SIPA1L2: variants seen among roughly 807,000 people sequenced by gnomAD.
The protein encoded by SIPA1L2 is signal-induced proliferation-associated 1-like protein 2.
SIPA1L2 carries 56 observed loss-of-function variants against 163.9 expected under a neutral mutation model. The ratio of observed to expected loss-of-function variants is 0.34; its 90% CI spans 0.28 to 0.43. SIPA1L2 has a LOEUF of 0.43. Ranked by LOEUF, SIPA1L2 falls within the 20% of genes least tolerant of loss-of-function variation. SIPA1L2 has a pLI of 1.00. For synonymous variants in SIPA1L2, 877 were observed against 865.7 expected, an observed-to-expected ratio of 1.01 and a Z score of -0.23; for missense variants, 1,974 against 2,193.5, an observed-to-expected ratio of 0.90 and a Z score of 2.00.
intron 2 of SIPA1L2, among the ~76,000 whole-genome samples, chr1:232,538,422 C>T (rs1573047337): frequency 6.6e-6 from 1 of 152,150 alleles, no homozygotes; most frequent in African/African-American, 2.4e-5. Context: ...GGAAAGAATG[C>T]CTGGTGCCTC....
chr1:232,433,003 A>AG (rs1281877758), intron 15 of SIPA1L2, among the ~76,000 whole-genome samples: 5 of 152,152 alleles, frequency 3.3e-5, no homozygotes, highest in Non-Finnish European at 5.9e-5. Flanking sequence ...TTACCTATGA[A>AG]GGTGTGTGCA....
chr1:232,473,216 G>T (rs192853259), intron 7 of SIPA1L2, among the ~76,000 whole-genome samples: 1 of 152,354 alleles, frequency 6.6e-6, no homozygotes, highest in East Asian at 1.9e-4. Context: ...CATAGGCATT[G>T]TAATGAGACA....
intron 1 of SIPA1L2, among the ~76,000 whole-genome samples, chr1:232,614,362 CAA>C (rs1485479659): frequency 6.6e-6 from 1 of 152,200 alleles, no homozygotes; most frequent in Admixed American, 6.5e-5. Context: ...TCCTCACACA[CAA>C]GTTTCGTACT....
intron 3 of SIPA1L2, among the ~76,000 whole-genome samples, chr1:232,511,779 G>A (rs1284533410): frequency 6.6e-6 from 1 of 151,874 alleles, no homozygotes; most frequent in Admixed American, 6.6e-5. Context: ...AACCCTAGAA[G>A]AAAACCTGGG....
intron 1 of SIPA1L2, among the ~76,000 whole-genome samples, chr1:232,576,216 T>C (rs1290396593): frequency 6.6e-6 from 1 of 152,254 alleles, no homozygotes; most frequent in African/African-American, 2.4e-5. Context: ...GTGTCTTTTA[T>C]AGACTGGAGG....
At chr1:232,491,142 A>C (rs1665909432) in intron 4 of SIPA1L2, 80 bp from the exon 5 acceptor site, 1 of 1,301,406 alleles carries the variant, frequency 7.7e-7, no homozygotes, top group African/African-American at 1.5e-5. Context: ...GGCTGCCTTA[A>C]GACAGGAAAA....
chr1:232,562,769 G>A (rs789658), intron 2 of SIPA1L2, among the ~76,000 whole-genome samples: 11,970 of 152,170 alleles, frequency 0.079, 1,342 homozygotes, highest in African/African-American at 0.25. Context: ...CAAATAAAAC[G>A]CATCATCAGA....
intron 1 of SIPA1L2, among the ~76,000 whole-genome samples, chr1:232,620,855 C>G (rs1312207520): frequency 6.6e-6 from 1 of 152,174 alleles, no homozygotes; most frequent in Non-Finnish European, 1.5e-5. Flanking sequence ...ACAAGGTGAA[C>G]AAAGTCTACA....
In SIPA1L2 at chr1:232,514,635, G is replaced by A. The variant is rs1667138174; in HGVS notation, c.705C>T (p.Arg235=). Residue 235 remains arginine, a synonymous_variant, in exon 3 of 23, where the codon CGC becomes CGT. Coordinates refer to ENST00000674635, the MANE Select transcript of SIPA1L2 (RefSeq NM_020808.5). The part of the protein sequence containing the change: ...MVPFGFPEFF[R]CDPAISPSLH... ...GGCTCGGAGAGATTGCAGGGTCACA[G>A]CGGAAAAATTCAGGGAACCCAAAAG... The A allele has an allele frequency of 6.2e-7, 1 of 1,614,230 alleles. No homozygotes were observed. Among genetic ancestry groups the A allele is most frequent in the Non-Finnish European group, 8.5e-7 (1 of 1,180,044 alleles).
chr1:232,419,607 T>C (rs2357066), intron 18 of SIPA1L2, among the ~76,000 whole-genome samples: 96,128 of 151,916 alleles, frequency 0.63, 31,197 homozygotes, highest in East Asian at 0.83. Flanking sequence ...GTCTTGCTCC[T>C]TCTCTTGCTA....
At chr1:232,592,656 C>A (rs1573138438) in intron 1 of SIPA1L2, among the ~76,000 whole-genome samples, 1 of 152,008 alleles carries the variant, frequency 6.6e-6, no homozygotes, top group East Asian at 1.9e-4. Flanking sequence ...TGTAAACTGC[C>A]AGGTTTTCTA....
chr1:232,558,710 T>G (rs1213988881), intron 2 of SIPA1L2, among the ~76,000 whole-genome samples: 1 of 152,214 alleles, frequency 6.6e-6, no homozygotes, highest in African/African-American at 2.4e-5. Context: ...TAACTGGCAT[T>G]TCTCCTGGCT....
chr1:232,483,948 T>A lies in SIPA1L2; in HGVS notation c.1825A>T (p.Ile609Phe). 1 of 1,611,086 alleles carries A rather than the reference T, an allele frequency of 6.2e-7. No individual in the cohort carries two copies. Among genetic ancestry groups the A allele is most frequent in the Non-Finnish European group, 8.5e-7 (1 of 1,179,184 alleles). ...DEQGLSFQHK[I>F]GILYCKAGQS... ...CCTGCTTTGCAATAAAGGATCCCGATCTTGTGCTGAAAGCTCAGCTGAAAT... is the reference window on the plus strand; with the variant it reads ...CCTGCTTTGCAATAAAGGATCCCGAACTTGTGCTGAAAGCTCAGCTGAAAT... The change falls in exon 6 of 23, where the codon ATC (isoleucine) becomes TTC (phenylalanine). Residue 609 changes from isoleucine (I) to phenylalanine (F), a missense_variant. Physicochemically the swap from Ile to Phe is conservative, Grantham distance 21. Transcript: ENST00000674635.
rs1661854451 is a variant in SIPA1L2, at chr1:232,425,696, A to G, written c.4523T>C (p.Val1508Ala). Residue 1508 changes from valine (V) to alanine (A), a missense_variant, in exon 18 of 23, where the codon GTG becomes GCG. By Grantham distance (64) the Val-to-Ala change is moderately conservative. Around this residue, in one of 3 missense-constraint regions of SIPA1L2, gnomAD observed 1,079 missense variants for 1,150.7 expected, o/e 0.94. Coordinates refer to ENST00000674635, the MANE Select transcript of SIPA1L2 (RefSeq NM_020808.5). ...GTCGTTGGGCAGGGCCTGGTCAAGC[A>G]CGGAACTCCGGGAACTGCCAAAGGA... ...GSSFGSSRSS[V>A]LDQALPNDIL... The G allele has an allele frequency of 6.2e-7, 1 of 1,613,914 alleles. No individual in the cohort carries two copies. Among genetic ancestry groups the G allele is most frequent in the Admixed American group, 1.7e-5 (1 of 59,990 alleles).
Position 232,428,528 on chromosome 1 carries a change from A to G in SIPA1L2, c.4293T>C (p.Thr1431=). 6.3e-7 allele frequency: 1 copy of G among 1,589,558 alleles called. No individual in the cohort carries two copies. Among genetic ancestry groups the G allele is most frequent in the Non-Finnish European group, 8.5e-7 (1 of 1,170,288 alleles). The change falls in exon 17 of 23, where the codon ACT becomes ACC. Residue 1431 remains threonine, a synonymous_variant. Transcript: ENST00000674635. ...YSEMDVMSTA[T]QHQTVVGDAV... is the part of the protein sequence containing the mutation. The stretch of plus-strand genomic sequence containing the variant: ...CATCTCCCACCACTGTCTGATGCTG[A>G]GTTGCTGTGGACATGACATCCATCT...
rs759040292 is a variant in SIPA1L2, at chr1:232,428,544, A to G, written c.4277T>C (p.Val1426Ala). ...ECPGMYSEMD[V>A]MSTATQHQTV... is the part of the protein sequence containing the mutation. Reference sequence around the variant, plus strand: ...CTGATGCTGAGTTGCTGTGGACATGACATCCATCTCACTATACATCCTGTT... The same window carrying G: ...CTGATGCTGAGTTGCTGTGGACATGGCATCCATCTCACTATACATCCTGTT... Residue 1426 changes from valine (V) to alanine (A), a missense_variant, in exon 17 of 23, where the codon GTC becomes GCC. By Grantham distance (64) the Val-to-Ala change is moderately conservative (BLOSUM62 0). Transcript: ENST00000674635. 1.3e-6 allele frequency: 2 copies of G among 1,583,016 alleles called. No homozygotes were observed. The highest frequency in any genetic ancestry group is 1.7e-6 in the Non-Finnish European group (2 of 1,167,354).
chr1:232,503,927 C>T (rs572088148), intron 3 of SIPA1L2, among the ~76,000 whole-genome samples: 70 of 152,210 alleles, frequency 4.6e-4, no homozygotes, highest in Admixed American at 1.8e-3. Context: ...ATAGTGGCTC[C>T]GGCCTATAAT....
chr1:232,504,773 CA>C (rs1024639909), intron 3 of SIPA1L2, among the ~76,000 whole-genome samples: 1 of 152,146 alleles, frequency 6.6e-6, no homozygotes, highest in African/African-American at 2.4e-5. Flanking sequence ...AAAATAAACT[CA>C]GTTCATCCTG....
intron 10 of SIPA1L2, among the ~76,000 whole-genome samples, chr1:232,448,926 AGAG>A (rs1457879781): frequency 6.6e-6 from 1 of 152,170 alleles, no homozygotes; most frequent in Non-Finnish European, 1.5e-5. Flanking sequence ...CGTGAGGTGC[AGAG>A]GAGAACAGGG....
Sources: allele counts gnomAD v4.1 joint callset (sites outside exome capture counted in the v4.1 genomes callset), GRCh38; gene constraint gnomAD v4.1.1; regional missense constraint gnomAD v4.1.1; transcripts MANE v1.5; gene names NCBI Gene and HGNC (gene_info 2026-07-23, HGNC 2026-07-21).